Variants in TENM1 observed in about 807,000 individuals in gnomAD.
TENM1 encodes teneurin transmembrane protein 1, also known as teneurin-1.
Under a neutral mutation model 174.8 loss-of-function variants are expected in TENM1, and 35 were observed. That is an observed-to-expected ratio of 0.20 (90% CI 0.15 to 0.27). TENM1 has a LOEUF of 0.27. Among genes scored for constraint, TENM1 ranks in the 10% least tolerant of loss-of-function variants. TENM1 has a pLI of 1.00. For missense variants in TENM1, 1,633 were observed against 2,130.1 expected (o/e 0.77, Z 4.59); for synonymous variants, 781 against 798.7 (o/e 0.98, Z 0.37).
In TENM1 at chrX:124,588,153, A is replaced by T. The variant is rs1232516391; in HGVS notation, c.2078-22593T>A. On this transcript the variant is annotated intron_variant, in intron 11 of 31. Coordinates refer to ENST00000422452, the Ensembl canonical transcript of TENM1. ...GTAGCGATTTCCTCGGGGATCTAGA[A>T]CTAGAAATACCATTTGACCCAGCCA... 2.7e-5 allele frequency among the ~76,000 whole-genome samples: 3 copies of T among 111,609 alleles called. No homozygotes were observed. In the East Asian group the frequency reaches 8.4e-4, roughly 31 times the overall value.
At chrX:124,836,500 T>C (rs1490118473) in intron 3 of TENM1, among the ~76,000 whole-genome samples, 1 of 112,431 alleles carries the variant, frequency 8.9e-6, no homozygotes, top group Non-Finnish European at 1.9e-5. Flanking sequence ...TGTACTTTTC[T>C]ACCTCTTGTA....
At chrX:124,706,946 C>CTTTT (rs1190388752) in intron 4 of TENM1, among the ~76,000 whole-genome samples, 4 of 88,017 alleles carry the variant, frequency 4.5e-5, no homozygotes, top group Admixed American at 1.2e-4. Flanking sequence ...AGTCCTTAAT[C>CTTTT]TTTTTTTTTT....
At chrX:124,671,547 C>A in intron 6 of TENM1, 136 bp downstream of exon 9, 1 of 598,799 alleles carries the variant, frequency 1.7e-6, no homozygotes, top group East Asian at 3.7e-5. Flanking sequence ...TATTTACATG[C>A]ATTTATTCTG....
At chrX:124,785,411 G>A (rs1468013631) in intron 3 of TENM1, among the ~76,000 whole-genome samples, 1 of 111,505 alleles carries the variant, frequency 9.0e-6, no homozygotes, top group Non-Finnish European at 1.9e-5. Flanking sequence ...GCTGGGCCAG[G>A]CATATCCCAT....
intron 16 of TENM1, among the ~76,000 whole-genome samples, chrX:124,523,976 G>A (rs111604008): frequency 0.099 from 10,528 of 106,407 alleles, 407 homozygotes; most frequent in Middle Eastern, 0.12. Context: ...CTGGGTTCAA[G>A]CGATTCTCCT....
chrX:124,384,923 G>A lies in TENM1; in HGVS notation c.6077-69C>T, dbSNP rs1470194376. On this transcript the variant is annotated intron_variant, in intron 29 of 31. Coordinates refer to ENST00000422452, the Ensembl canonical transcript of TENM1. ...TGTGGAAGAGTCAGAAAGGTCTAGT[G>A]TTATTTTATTTAGTACTGGTGCTTT... is the stretch of plus-strand genomic sequence containing the variant. The A allele has an allele frequency of 4.0e-6, 4 of 1,004,745 alleles. No homozygotes were observed. The African/African-American group carries it at 7.7e-5, about 19-fold the overall frequency. The allele number at this position is 1,004,745 out of a possible 1,213,427, so 82.8% of individuals were successfully genotyped here.
At chrX:125,178,530 A>T in the TENM1 span, among the ~76,000 whole-genome samples, 1 of 110,565 alleles carries the variant, frequency 9.0e-6, no homozygotes, top group Non-Finnish European at 1.9e-5. Context: ...ACCATTACTG[A>T]AATAAGCTAC....
intron 16 of TENM1, among the ~76,000 whole-genome samples, chrX:124,527,675 G>A (rs2048007550): frequency 1.0e-5 from 1 of 96,638 alleles, no homozygotes; most frequent in Admixed American, 1.2e-4. Context: ...TTGAGACAGA[G>A]TCTCGCTTTG....
chrX:124,468,468 G>A (rs771353583), intron 22 of TENM1, among the ~76,000 whole-genome samples: 536 of 112,485 alleles, frequency 4.8e-3, no homozygotes, highest in Non-Finnish European at 8.6e-3. Flanking sequence ...CAGCCACCGC[G>A]CCCGCGCCCG....
chrX:124,697,036 T>C (rs2052667674), intron 5 of TENM1, among the ~76,000 whole-genome samples: 3 of 111,365 alleles, frequency 2.7e-5, no homozygotes. Flanking sequence ...GGAAAGCTCC[T>C]TTAATATGAG....
the TENM1 span, among the ~76,000 whole-genome samples, chrX:125,103,178 T>A: frequency 8.9e-6 from 1 of 112,132 alleles, no homozygotes; most frequent in Non-Finnish European, 1.9e-5. Flanking sequence ...CTTATATTTC[T>A]AATTTTTAAA....
intron 4 of TENM1, among the ~76,000 whole-genome samples, chrX:124,716,065 A>G (rs1460827872): frequency 8.9e-6 from 1 of 112,041 alleles, no homozygotes; most frequent in Non-Finnish European, 1.9e-5. Flanking sequence ...TATTTCTTTG[A>G]AAGACTTATT....
intron 15 of TENM1, among the ~76,000 whole-genome samples, chrX:124,542,209 T>C (rs955177671): frequency 8.9e-6 from 1 of 112,540 alleles, no homozygotes; most frequent in Non-Finnish European, 1.9e-5. Flanking sequence ...TGATACTGAA[T>C]TGTTTTAATC....
intron 11 of TENM1, among the ~76,000 whole-genome samples, chrX:124,626,902 G>A (rs902308495): frequency 1.8e-5 from 2 of 112,386 alleles, no homozygotes; most frequent in African/African-American, 6.5e-5. Flanking sequence ...AAGTTTGTCT[G>A]TATCTAGCCT....
At chrX:125,182,492 C>A in the TENM1 span, among the ~76,000 whole-genome samples, 1 of 106,510 alleles carries the variant, frequency 9.4e-6, no homozygotes, top group Non-Finnish European at 1.9e-5. Flanking sequence ...CCAATGATTA[C>A]TGCAGATTTG....
chrX:124,949,877 G>A (rs1225084497), intron 1 of TENM1, among the ~76,000 whole-genome samples: 2 of 111,849 alleles, frequency 1.8e-5, no homozygotes, highest in Non-Finnish European at 3.8e-5. Flanking sequence ...CATGTACCAT[G>A]AAGTAGGTTT....
chrX:124,908,014 A>G (rs976398429), intron 1 of TENM1, among the ~76,000 whole-genome samples: 3 of 112,098 alleles, frequency 2.7e-5, no homozygotes, highest in Admixed American at 1.9e-4. Context: ...AAGATTTTTA[A>G]TTTAACCACT....
In TENM1 at chrX:124,938,918, G is replaced by A. The variant is rs2058285211; in HGVS notation, c.217+24619C>T. The stretch of plus-strand genomic sequence containing the variant: ...TTTGAATGCCCATTCAGTCCAAGCT[G>A]GCTGGCTAGATATGTCATTGATTTT... On this transcript the variant is annotated intron_variant, in intron 1 of 31. Coordinates refer to ENST00000422452, the Ensembl canonical transcript of TENM1. Among the ~76,000 whole-genome samples the A allele has an allele frequency of 2.7e-5, 3 of 111,520 alleles. No homozygotes were observed. The South Asian group carries it at 1.1e-3, about 42-fold the overall frequency.
chrX:124,406,456 C>A, exon 26 of TENM1: 1 of 1,207,927 alleles, frequency 8.3e-7, no homozygotes, highest in African/African-American at 1.7e-5. Flanking sequence ...CAGTGGGAAA[C>A]GTTGCATTGG....
Sources: allele counts gnomAD v4.1 joint callset (sites outside exome capture counted in the v4.1 genomes callset), GRCh38; gene constraint gnomAD v4.1.1; transcripts MANE v1.5; gene names NCBI Gene and HGNC (gene_info 2026-07-23, HGNC 2026-07-21).